Variants in HTR1D observed in about 807,000 individuals in gnomAD.
HTR1D encodes the protein 5-hydroxytryptamine receptor 1D.
HTR1D carries 18 observed loss-of-function variants against 21.1 expected under a neutral mutation model. The ratio of observed to expected loss-of-function variants is 0.85; its 90% CI spans 0.59 to 1.27. The LOEUF is 1.27. Among genes scored for constraint, HTR1D ranks in the 50% most tolerant of loss-of-function variants. The pLI is 0.00. For synonymous variants in HTR1D, 196 were observed against 204.4 expected, an observed-to-expected ratio of 0.96 and a Z score of 0.35; for missense variants, 456 against 481.4, an observed-to-expected ratio of 0.95 and a Z score of 0.49.
chr1:23,210,786 G>A (rs1200544703), intron 1 of HTR1D, among the ~76,000 whole-genome samples: 3 of 152,012 alleles, frequency 2.0e-5, no homozygotes, highest in African/African-American at 4.8e-5. Context: ...CGACTGGCAG[G>A]GCTGACCATA....
chr1:23,204,306 T>C (rs1413696333), intron 1 of HTR1D, among the ~76,000 whole-genome samples: 3 of 152,152 alleles, frequency 2.0e-5, no homozygotes, highest in African/African-American at 7.2e-5. Flanking sequence ...TTGTATTTTT[T>C]AGTAGAGACG....
rs146071014 is a variant in HTR1D at position 23,193,123 on chromosome 1, G to C, written c.1097C>G (p.Ala366Gly). Residue 366 changes from alanine to glycine, a missense_variant, in exon 2 of 2, where the codon GCT becomes GGT. Physicochemically the swap from Ala to Gly is moderately conservative, Grantham distance 60. Coordinates refer to ENST00000374619, the MANE Select transcript of HTR1D (RefSeq NM_000864.5). ...CCGGAAAGGGACAATTTTCTGAAAA[G>C]CTTGCCGAAACTCTTCATTAAACAC... The part of the protein sequence containing the change: ...YTVFNEEFRQ[A>G]FQKIVPFRKA... 75 of 1,611,134 alleles carry C rather than the reference G, an allele frequency of 4.7e-5. No homozygotes were observed. The East Asian group carries it at 1.2e-3, about 26-fold the overall frequency.
rs755377445 is a variant in HTR1D at position 23,193,564 on chromosome 1, C to T, written c.656G>A (p.Arg219Gln). 26 of 1,613,886 alleles carry T rather than the reference C, an allele frequency of 1.6e-5. No homozygotes were observed. Among genetic ancestry groups the T allele is most frequent in the East Asian group, 4.5e-5 (2 of 44,880 alleles). ...PSVLLIILYG[R>Q]IYRAARNRIL... ...GCGGTTCCGGGCAGCCCGGTAGATC[C>T]GGCCATATAGGATGATGAGCAACAC... Residue 219 changes from arginine to glutamine, a missense_variant, in exon 2 of 2, where the codon CGG becomes CAG. Transcript: ENST00000374619.
chr1:23,195,673 A>G (rs1390269458), intron 1 of HTR1D, among the ~76,000 whole-genome samples: 2 of 152,278 alleles, frequency 1.3e-5, no homozygotes, highest in Admixed American at 6.5e-5. Context: ...TCCTGACCTC[A>G]TGATCCGCTG....
At chr1:23,212,919 C>T (rs1343658898) in intron 1 of HTR1D, among the ~76,000 whole-genome samples, 1 of 151,864 alleles carries the variant, frequency 6.6e-6, no homozygotes, top group Non-Finnish European at 1.5e-5. Flanking sequence ...CTCTGCCTCC[C>T]GGGTTCAAGC....
At position 23,199,415 on chromosome 1, in the gene HTR1D, C is replaced by CTTTTTTT. The variant is rs71020483; in HGVS notation, c.-782-4421_-782-4415dup. ...ACAGGTGTGAGCCGCCATGTGTGGT[C>CTTTTTTT]TTTTTTTTTTTTTTTTTTTTTTTTT... On this transcript the variant is annotated intron_variant, in intron 1 of 1. Transcript: ENST00000374619. Among the ~76,000 whole-genome samples, 5 of 46,330 alleles carry CTTTTTTT rather than the reference C, an allele frequency of 1.1e-4. 2 individuals are homozygous for CTTTTTTT. Among genetic ancestry groups the CTTTTTTT allele is most frequent in the Non-Finnish European group, 1.9e-4 (5 of 26,550 alleles). 30.4% of individuals were successfully genotyped at this position (46,330 alleles called of 152,430 possible).
At position 23,193,497 on chromosome 1, in the gene HTR1D, C is replaced by T. The variant is rs376542874; in HGVS notation, c.723G>A (p.Thr241=). The change falls in exon 2 of 2, where the codon ACG becomes ACA. Residue 241 remains threonine (T), a synonymous_variant. Coordinates refer to ENST00000374619, the MANE Select transcript of HTR1D (RefSeq NM_000864.5). ...PPSLYGKRFT[T]AHLITGSAGS... The stretch of plus-strand genomic sequence containing the variant: ...CGGCAGAGCCTGTGATGAGGTGGGC[C>T]GTGGTGAAGCGCTTCCCATAGAGTG... The T allele has an allele frequency of 1.3e-5, 21 of 1,613,938 alleles. No homozygotes were observed. Among genetic ancestry groups the T allele is most frequent in the East Asian group, 6.7e-5 (3 of 44,870 alleles).
intron 1 of HTR1D, among the ~76,000 whole-genome samples, chr1:23,207,261 G>A (rs866784013): frequency 6.6e-6 from 1 of 152,190 alleles, no homozygotes; most frequent in Middle Eastern, 3.4e-3. Flanking sequence ...AATTATCTGG[G>A]TGTGGTGTGT....
At chr1:23,198,347 T>G (rs1644697529) in intron 1 of HTR1D, among the ~76,000 whole-genome samples, 1 of 124,186 alleles carries the variant, frequency 8.1e-6, no homozygotes, top group Admixed American at 1.0e-4. Context: ...GCCTGGGTGA[T>G]GGAGCGAGAC....
In HTR1D at chr1:23,193,792, G is replaced by T; in HGVS notation, c.428C>A (p.Ala143Asp). ...ALDRYWAITD[A>D]LEYSKRRTAG... is the part of the protein sequence containing the mutation. ...CGTCCTGCGTTTACTGTATTCCAGGGCATCTGTGATTGCCCAGTACCTGTC... is the reference window on the plus strand; with the variant it reads ...CGTCCTGCGTTTACTGTATTCCAGGTCATCTGTGATTGCCCAGTACCTGTC... The change falls in exon 2 of 2, where the codon GCC (alanine) becomes GAC (aspartate). Residue 143 changes from alanine to aspartate, a missense_variant. Coordinates refer to ENST00000374619, the MANE Select transcript of HTR1D (RefSeq NM_000864.5). 1 of 1,614,176 alleles carries T rather than the reference G, an allele frequency of 6.2e-7. No individual in the cohort carries two copies. Among genetic ancestry groups the T allele is most frequent in the Non-Finnish European group, 8.5e-7 (1 of 1,179,998 alleles).
At chr1:23,199,407 T>A (rs1644701397) in intron 1 of HTR1D, among the ~76,000 whole-genome samples, 1 of 138,070 alleles carries the variant, frequency 7.2e-6, no homozygotes, top group Admixed American at 7.6e-5. Context: ...TGAGCCGCCA[T>A]GTGTGGTCTT....
At chr1:23,196,913 A>C (rs1644690948) in intron 1 of HTR1D, among the ~76,000 whole-genome samples, 2 of 149,946 alleles carry the variant, frequency 1.3e-5, no homozygotes, top group African/African-American at 2.5e-5. Context: ...TCCTGCCCCC[A>C]CTCGCCCCAG....
chr1:23,210,577 AAC>A (rs1222303016), intron 1 of HTR1D, among the ~76,000 whole-genome samples: 6 of 152,116 alleles, frequency 3.9e-5, no homozygotes, highest in African/African-American at 1.4e-4. Context: ...TGCTCAAGGT[AAC>A]ACAGTGTGTT....
chr1:23,212,352 A>G (rs867304394), intron 1 of HTR1D, among the ~76,000 whole-genome samples: 2 of 152,158 alleles, frequency 1.3e-5, no homozygotes, highest in Non-Finnish European at 2.9e-5. Flanking sequence ...AACTCATGCC[A>G]TGAAGCCCAG....
intron 1 of HTR1D, among the ~76,000 whole-genome samples, chr1:23,203,625 C>G (rs567972330): frequency 2.2e-4 from 33 of 152,154 alleles, no homozygotes; most frequent in Non-Finnish European, 4.6e-4. Flanking sequence ...CCACTGCACT[C>G]TAGCCTGGGC....
intron 1 of HTR1D, among the ~76,000 whole-genome samples, chr1:23,195,407 T>C (rs1390655515): frequency 6.6e-6 from 1 of 152,194 alleles, no homozygotes; most frequent in East Asian, 1.9e-4. Context: ...TTTCTACTCA[T>C]TTGAATTTTC....
chr1:23,199,792 G>A (rs937101184), intron 1 of HTR1D, among the ~76,000 whole-genome samples: 5 of 151,668 alleles, frequency 3.3e-5, no homozygotes, highest in Admixed American at 6.6e-5. Context: ...TGCAGCCTCC[G>A]CCTTCCGGGT....
At chr1:23,200,952 T>C (rs1644707143) in intron 1 of HTR1D, among the ~76,000 whole-genome samples, 2 of 151,970 alleles carry the variant, frequency 1.3e-5, no homozygotes, top group Non-Finnish European at 2.9e-5. Context: ...TCCCCTGAAG[T>C]CCAGATCACA....
intron 1 of HTR1D, among the ~76,000 whole-genome samples, chr1:23,199,893 A>G (rs188287437): frequency 6.6e-6 from 1 of 152,084 alleles, no homozygotes; most frequent in Non-Finnish European, 1.5e-5. Context: ...TTTAGTAAAG[A>G]TGGGGTTTCA....
Sources: gnomAD v4.1 joint callset for allele counts (sites outside exome capture counted in the v4.1 genomes callset) on GRCh38, gnomAD v4.1.1 for gene constraint, MANE v1.5 for transcripts, NCBI Gene and HGNC (gene_info 2026-07-23, HGNC 2026-07-21) for gene names.